The following TULP4 variants were observed in gnomAD, a reference collection of about 807,000 sequenced individuals.
TULP4 encodes the protein TUB like protein 4, also known as tubby-related protein 4.
A neutral mutation model predicts 129.0 loss-of-function variants in TULP4; 16 were observed. The observed-to-expected ratio is 0.12, with a 90% CI of 0.08 to 0.19. TULP4 has a LOEUF of 0.19. TULP4 is among the 10% of genes least tolerant of loss of function. The probability of loss-of-function intolerance (pLI) is 1.00; values close to 1 mark genes in which losing one functional copy is unlikely to be tolerated. For synonymous variants in TULP4, 998 were observed against 854.0 expected, an observed-to-expected ratio of 1.17 and a Z score of -2.94; for missense variants, 1,842 against 2,059.1, an observed-to-expected ratio of 0.89 and a Z score of 2.04.
intron 1 of TULP4, among the ~76,000 whole-genome samples, chr6:158,378,495 G>C (rs1439474141): frequency 8.3e-6 from 1 of 120,598 alleles, no homozygotes; most frequent in African/African-American, 3.4e-5. Flanking sequence ...TGGTGGGGGT[G>C]GGGGTGGGAG....
chr6:158,459,002 A>G (rs552766989), intron 5 of TULP4, among the ~76,000 whole-genome samples: 4 of 152,326 alleles, frequency 2.6e-5, no homozygotes, highest in African/African-American at 7.2e-5. Context: ...ATACGTTGCT[A>G]TATCGCTTGA....
rs1454932530 is a variant in TULP4 at position 158,237,788 on chromosome 6, C to T, written n.68+5485C>T. 55 of 780,042 alleles carry T rather than the reference C, an allele frequency of 7.1e-5. No homozygotes were observed. In the Admixed American group the frequency reaches 9.4e-4, roughly 13 times the overall value. 48.3% of individuals were successfully genotyped at this position (780,042 alleles called of 1,614,324 possible). A position where few individuals can be genotyped will look rare whatever the true frequency, so the allele number is the denominator to read the frequency against. ...CCAGGAGAATTTTCAAGAGCCTCAA[C>T]ATCTACTTTTAGAGACATACTATCT... On this transcript the variant is annotated intron_variant and non_coding_transcript_variant, in intron 1 of 1. Coordinates refer to the TULP4 transcript ENST00000620026.
chr6:158,459,307 G>A (rs1779365377), intron 5 of TULP4, among the ~76,000 whole-genome samples: 1 of 152,130 alleles, frequency 6.6e-6, no homozygotes, highest in Non-Finnish European at 1.5e-5. Flanking sequence ...GCGCATGCCT[G>A]TAATCCCAGC....
intron 1 of TULP4, among the ~76,000 whole-genome samples, chr6:158,376,257 G>T (rs1339347666): frequency 6.6e-6 from 1 of 152,152 alleles, no homozygotes; most frequent in Non-Finnish European, 1.5e-5. Flanking sequence ...CATCCTACTG[G>T]GCACTTCTGG....
At chr6:158,274,985 G>A (rs565388843) in intron 1 of TULP4, among the ~76,000 whole-genome samples, 32 of 152,314 alleles carry the variant, frequency 2.1e-4, no homozygotes, top group African/African-American at 7.5e-4. Context: ...CTGTTAGAAT[G>A]TAAGCTCCCT....
intron 8 of TULP4, among the ~76,000 whole-genome samples, chr6:158,484,056 C>T (rs1367964747): frequency 6.6e-6 from 1 of 151,446 alleles, no homozygotes; most frequent in East Asian, 2.0e-4. Flanking sequence ...TAGCTAGGAT[C>T]GCAGGTGTGC....
At chr6:158,477,433 C>A (rs1375827646) in intron 6 of TULP4, among the ~76,000 whole-genome samples, 1 of 152,116 alleles carries the variant, frequency 6.6e-6, no homozygotes, top group East Asian at 1.9e-4. Flanking sequence ...TTCCAAACAA[C>A]CTCATTAAAA....
At chr6:158,434,697 A>G (rs575097021) in intron 3 of TULP4, among the ~76,000 whole-genome samples, 9 of 152,320 alleles carry the variant, frequency 5.9e-5, no homozygotes, top group Non-Finnish European at 1.0e-4. Context: ...CAACTAGAGA[A>G]TGCAATGAGA....
chr6:158,253,128 A>G (rs984490482), intron 1 of TULP4, among the ~76,000 whole-genome samples: 1 of 152,236 alleles, frequency 6.6e-6, no homozygotes, highest in African/African-American at 2.4e-5. Context: ...TTAATTCCCT[A>G]AGATGTTTTG....
intron 5 of TULP4, among the ~76,000 whole-genome samples, chr6:158,456,276 G>A (rs1779289358): frequency 6.6e-6 from 1 of 152,210 alleles, no homozygotes; most frequent in African/African-American, 2.4e-5. Context: ...GAAAGTCCCT[G>A]GCTCTGAAGC....
intron 6 of TULP4, among the ~76,000 whole-genome samples, chr6:158,468,134 A>G (rs1039524253): frequency 6.6e-6 from 1 of 152,232 alleles, no homozygotes; most frequent in African/African-American, 2.4e-5. Context: ...GCATTTATTC[A>G]GTAAGATTAA....
At chr6:158,415,088 T>G (rs966235303) in intron 2 of TULP4, among the ~76,000 whole-genome samples, 1 of 152,180 alleles carries the variant, frequency 6.6e-6, no homozygotes, top group Non-Finnish European at 1.5e-5. Flanking sequence ...CATAATGACG[T>G]TTCAGTTATC....
At chr6:158,480,438 AG>A (rs1779914157) in intron 7 of TULP4, among the ~76,000 whole-genome samples, 1 of 152,220 alleles carries the variant, frequency 6.6e-6, no homozygotes, top group Non-Finnish European at 1.5e-5. Context: ...CCCCAGTTCT[AG>A]GGCCTGCTCT....
At chr6:158,390,445 A>AT (rs1426950898) in intron 1 of TULP4, among the ~76,000 whole-genome samples, 3 of 152,202 alleles carry the variant, frequency 2.0e-5, no homozygotes, top group Non-Finnish European at 4.4e-5. Flanking sequence ...ATATTGATAG[A>AT]TATTTACAAC....
chr6:158,273,313 C>G (rs1778582347), intron 1 of TULP4, among the ~76,000 whole-genome samples: 1 of 152,080 alleles, frequency 6.6e-6, no homozygotes, highest in Non-Finnish European at 1.5e-5. Context: ...ATTCTTCCTT[C>G]TCACCCTCCT....
At chr6:158,379,615 CTG>C (rs1777278304) in intron 1 of TULP4, among the ~76,000 whole-genome samples, 1 of 152,142 alleles carries the variant, frequency 6.6e-6, no homozygotes, top group Non-Finnish European at 1.5e-5. Flanking sequence ...ACCTCAACAA[CTG>C]TATCAGTGCT....
intron 8 of TULP4, among the ~76,000 whole-genome samples, chr6:158,482,117 C>T (rs1779961344): frequency 6.6e-6 from 1 of 152,220 alleles, no homozygotes; most frequent in African/African-American, 2.4e-5. Context: ...TCTTTGTGCC[C>T]TCAGTGGATT....
intron 1 of TULP4, among the ~76,000 whole-genome samples, chr6:158,246,827 A>T (rs184906620): frequency 6.6e-6 from 1 of 152,336 alleles, no homozygotes; most frequent in Admixed American, 6.5e-5. Context: ...CGTGAGATAA[A>T]GAGTATTTTA....
intron 1 of TULP4, among the ~76,000 whole-genome samples, chr6:158,301,439 A>G (rs886801011): frequency 2.0e-5 from 3 of 151,996 alleles, no homozygotes; most frequent in African/African-American, 7.3e-5. Context: ...CACTGATAAA[A>G]TCAGCCAAGT....
Sources: allele counts gnomAD v4.1 joint callset (sites outside exome capture counted in the v4.1 genomes callset), GRCh38; gene constraint gnomAD v4.1.1; transcripts MANE v1.5; gene names NCBI Gene and HGNC (gene_info 2026-07-23, HGNC 2026-07-21).